Variants in CNTNAP5 observed in about 807,000 individuals in gnomAD.
The protein encoded by CNTNAP5 is contactin associated protein family member 5.
A neutral mutation model predicts 150.2 loss-of-function variants in CNTNAP5; 72 were observed. That is an observed-to-expected ratio of 0.48 (90% CI 0.40 to 0.58). The LOEUF (loss-of-function observed/expected upper bound fraction) is 0.58, where lower values mean the gene tolerates loss of function less well. Ranked by LOEUF, CNTNAP5 falls within the 20% of genes least tolerant of loss-of-function variation. CNTNAP5 has a pLI of 0.00. For missense variants in CNTNAP5, 1,636 were observed against 1,626.2 expected, an observed-to-expected ratio of 1.01 and a Z score of -0.10; for synonymous variants, 672 against 619.8, an observed-to-expected ratio of 1.08 and a Z score of -1.25.
intron 1 of CNTNAP5, among the ~76,000 whole-genome samples, chr2:124,192,325 C>G (rs1202567116): frequency 1.3e-5 from 2 of 152,148 alleles, no homozygotes; most frequent in Admixed American, 1.3e-4. Flanking sequence ...TGCTGTAGCT[C>G]CTGCCTGTCC....
chr2:124,039,025 G>A (rs568419390), intron 1 of CNTNAP5, among the ~76,000 whole-genome samples: 37 of 152,252 alleles, frequency 2.4e-4, no homozygotes, highest in South Asian at 8.3e-4. Context: ...ATAAGCAGAC[G>A]CTTTATTCTA....
intron 17 of CNTNAP5, among the ~76,000 whole-genome samples, chr2:124,786,162 T>C (rs1400620650): frequency 6.6e-6 from 1 of 151,602 alleles, no homozygotes; most frequent in Non-Finnish European, 1.5e-5. Context: ...CTCGGTAGGC[T>C]GAGGCAGGAG....
chr2:124,827,304 G>A (rs538190449), intron 19 of CNTNAP5, among the ~76,000 whole-genome samples: 1 of 152,268 alleles, frequency 6.6e-6, no homozygotes, highest in East Asian at 1.9e-4. Flanking sequence ...CTGTGTGCTG[G>A]TGGCGAGTCA....
chr2:124,858,813 A>C (rs545182558), intron 19 of CNTNAP5, among the ~76,000 whole-genome samples: 20 of 152,304 alleles, frequency 1.3e-4, no homozygotes, highest in African/African-American at 3.8e-4. Flanking sequence ...ATCAAAGCCA[A>C]AATTAGTAGA....
chr2:124,073,739 G>A (rs1682371179), intron 1 of CNTNAP5, among the ~76,000 whole-genome samples: 1 of 152,050 alleles, frequency 6.6e-6, no homozygotes, highest in African/African-American at 2.4e-5. Flanking sequence ...ACGATTCATG[G>A]AAATGTTAAT....
Position 124,582,918 on chromosome 2 carries a change from A to G in CNTNAP5, c.1756+19595A>G, listed in dbSNP as rs561294406. Among the ~76,000 whole-genome samples the G allele has an allele frequency of 2.0e-4, 31 of 152,318 alleles. 1 individual carries two copies. The South Asian group carries it at 6.2e-3, about 31-fold the overall frequency. On this transcript the variant is annotated intron_variant, in intron 11 of 23. Transcript: ENST00000682447. ...TTGTTTAAAAAATTGCAGAAAATAA[A>G]TAAGTAATTCAGTTTTTCCTCTAGT...
intron 21 of CNTNAP5, among the ~76,000 whole-genome samples, chr2:124,882,480 C>A (rs558622886): frequency 2.0e-5 from 3 of 152,190 alleles, no homozygotes; most frequent in Admixed American, 2.0e-4. Context: ...CATTAAAAGA[C>A]TAGAGAAAGG....
chr2:124,734,577 C>T (rs933673478), intron 13 of CNTNAP5, among the ~76,000 whole-genome samples: 3 of 151,916 alleles, frequency 2.0e-5, no homozygotes, highest in Non-Finnish European at 4.4e-5. Flanking sequence ...TCATCACATG[C>T]ACACTAGATT....
At chr2:124,099,714 A>G (rs77967932) in intron 1 of CNTNAP5, among the ~76,000 whole-genome samples, 3,562 of 152,244 alleles carry the variant, frequency 0.023, 158 homozygotes, top group African/African-American at 0.082. Context: ...AGTGAGACCT[A>G]AGGGAGCTTT....
chr2:124,309,981 G>A (rs796554692), intron 3 of CNTNAP5, among the ~76,000 whole-genome samples: 5 of 152,178 alleles, frequency 3.3e-5, no homozygotes, highest in African/African-American at 1.2e-4. Flanking sequence ...CTTCCGTATA[G>A]CAATGGAAGG....
chr2:124,400,677 T>TTTTTTTTG (rs1691391845), intron 3 of CNTNAP5, among the ~76,000 whole-genome samples: 1 of 90,620 alleles, frequency 1.1e-5, no homozygotes, highest in Admixed American at 1.3e-4. Context: ...TTGTTTTTTT[T>TTTTTTTTG]TTTTTTTTTT....
At chr2:124,559,591 C>G (rs1325048108) in intron 10 of CNTNAP5, among the ~76,000 whole-genome samples, 1 of 152,134 alleles carries the variant, frequency 6.6e-6, no homozygotes, top group African/African-American at 2.4e-5. Flanking sequence ...GGATTAAGAG[C>G]CTTACACCTA....
chr2:124,100,363 G>A (rs1331530371), intron 1 of CNTNAP5, among the ~76,000 whole-genome samples: 1 of 152,076 alleles, frequency 6.6e-6, no homozygotes, highest in African/African-American at 2.4e-5. Flanking sequence ...TTTGGGCGAG[G>A]ACAAATATAC....
chr2:124,239,611 T>C (rs115578733), intron 2 of CNTNAP5, among the ~76,000 whole-genome samples: 1,892 of 152,188 alleles, frequency 0.012, 9 homozygotes, highest in Non-Finnish European at 0.018. Flanking sequence ...AAATCACTCA[T>C]ACATTCACCA....
chr2:124,746,267 C>A (rs953106710), intron 13 of CNTNAP5, among the ~76,000 whole-genome samples: 10 of 152,118 alleles, frequency 6.6e-5, no homozygotes, highest in Non-Finnish European at 1.0e-4. Context: ...GATGCAGTAT[C>A]ACTTTAAGAA....
intron 3 of CNTNAP5, among the ~76,000 whole-genome samples, chr2:124,297,813 A>AT (rs869177455): frequency 2.1e-4 from 4 of 18,872 alleles, no homozygotes; most frequent in Non-Finnish European, 3.3e-4. Context: ...CCAATTATTT[A>AT]TTATTATTAT....
At chr2:124,710,105 GT>G (rs70999207) in intron 13 of CNTNAP5, among the ~76,000 whole-genome samples, 24,673 of 150,714 alleles carry the variant, frequency 0.16, 2,261 homozygotes, top group East Asian at 0.24. Context: ...ACAATGTTGT[GT>G]TTATGCCGAG....
chr2:124,417,964 A>T (rs1429399750), intron 4 of CNTNAP5, among the ~76,000 whole-genome samples: 3 of 152,192 alleles, frequency 2.0e-5, no homozygotes, highest in African/African-American at 7.2e-5. Flanking sequence ...AAAAGCATTC[A>T]CCTTCTTGAC....
At chr2:124,672,558 C>A (rs1198222783) in intron 13 of CNTNAP5, among the ~76,000 whole-genome samples, 1 of 152,138 alleles carries the variant, frequency 6.6e-6, no homozygotes, top group Non-Finnish European at 1.5e-5. Flanking sequence ...GTCCTCAAGG[C>A]CTTTAGGGCC....
Sources: gnomAD v4.1 joint callset for allele counts (sites outside exome capture counted in the v4.1 genomes callset) on GRCh38, gnomAD v4.1.1 for gene constraint, MANE v1.5 for transcripts, NCBI Gene and HGNC (gene_info 2026-07-23, HGNC 2026-07-21) for gene names.